Variants in STIM2 observed in about 807,000 individuals in gnomAD.
The protein encoded by STIM2 is stromal interaction molecule 2.
STIM2 carries 31 observed loss-of-function variants against 85.8 expected under a neutral mutation model. That is an observed-to-expected ratio of 0.36 (90% CI 0.27 to 0.49). STIM2 has a LOEUF of 0.49. STIM2 is among the 20% of genes least tolerant of loss of function. STIM2 has a pLI of 0.98. For synonymous variants in STIM2, 356 were observed against 331.1 expected (o/e 1.08, Z -0.82); for missense variants, 841 against 927.6 (o/e 0.91, Z 1.21).
intron 10 of STIM2, among the ~76,000 whole-genome samples, chr4:27,017,280 A>G (rs1164426084): frequency 6.6e-6 from 1 of 152,210 alleles, no homozygotes; most frequent in Non-Finnish European, 1.5e-5. Context: ...TCCTTGATTT[A>G]AAACTGATTG....
chr4:26,999,192 A>AAC (rs1553853978), intron 4 of STIM2, 40 bp from the exon 5 acceptor site: 3 of 834,476 alleles, frequency 3.6e-6, no homozygotes, highest in Non-Finnish European at 5.0e-6. Flanking sequence ...ATTTTCATTT[A>AAC]ATATATATAT....
Position 26,991,568 on chromosome 4 carries a change from T to G in STIM2, c.398-3811T>G, listed in dbSNP as rs570386938. Among the ~76,000 whole-genome samples, 4 of 152,286 alleles carry G rather than the reference T, an allele frequency of 2.6e-5. No homozygotes were observed. The East Asian group carries it at 7.7e-4, about 29-fold the overall frequency. Reference sequence around the variant, plus strand: ...TGTGTGTTTCCAAATAGCTGGAAGATAATTATAATGGTTCCAACATGGAGA... The same window carrying G: ...TGTGTGTTTCCAAATAGCTGGAAGAGAATTATAATGGTTCCAACATGGAGA... On this transcript the variant is annotated intron_variant, in intron 3 of 11. Coordinates refer to ENST00000467087, the MANE Select transcript of STIM2 (RefSeq NM_020860.4).
chr4:26,869,299 CAAAAAAAA>C (rs71186495), intron 1 of STIM2, among the ~76,000 whole-genome samples: 2 of 85,884 alleles, frequency 2.3e-5, no homozygotes, highest in Admixed American at 2.6e-4. Flanking sequence ...ACCCTGTCTC[CAAAAAAAA>C]AAAAAAAAAA....
chr4:26,873,848 C>T, intron 1 of STIM2: 10 of 1,081,658 alleles, frequency 9.2e-6, no homozygotes, highest in Middle Eastern at 2.2e-4. Flanking sequence ...TGGGTGGGTA[C>T]GTGAACCCAT....
intron 1 of STIM2, among the ~76,000 whole-genome samples, chr4:26,864,441 G>A (rs1225597543): frequency 6.6e-6 from 1 of 151,870 alleles, no homozygotes; most frequent in African/African-American, 2.4e-5. Flanking sequence ...GGGAGTGACC[G>A]ATCTCATCCA....
At chr4:26,871,800 C>G (rs925841457) in intron 1 of STIM2, among the ~76,000 whole-genome samples, 1 of 151,708 alleles carries the variant, frequency 6.6e-6, no homozygotes, top group African/African-American at 2.4e-5. Context: ...CACCTCGGCC[C>G]CGCAAAGTAA....
chr4:26,928,122 G>A (rs1446600637), intron 2 of STIM2, among the ~76,000 whole-genome samples: 3 of 151,868 alleles, frequency 2.0e-5, no homozygotes, highest in Admixed American at 1.3e-4. Context: ...AGGCCCAAGA[G>A]GCAAAAGGTG....
At chr4:26,963,165 C>T (rs771579838) in intron 3 of STIM2, among the ~76,000 whole-genome samples, 54 of 151,102 alleles carry the variant, frequency 3.6e-4, no homozygotes, top group Non-Finnish European at 2.8e-4. Context: ...TTTAGGACAG[C>T]GAAAATATAA....
intron 2 of STIM2, among the ~76,000 whole-genome samples, chr4:26,955,541 C>T (rs1227170496): frequency 6.8e-6 from 1 of 148,036 alleles, no homozygotes; most frequent in Non-Finnish European, 1.5e-5. Context: ...GTAGTCTCTA[C>T]TGAATTTTGA....
chr4:26,878,223 C>G lies in STIM2; in HGVS notation c.151+16854C>G, dbSNP rs1454022395. On this transcript the variant is annotated intron_variant, in intron 1 of 11. Transcript: ENST00000467087. ...AAGTTCTTGGTTTTCCTGGTCTACC[C>G]TCAGTCTTAGGTAGGGCTCGTAAGC... is the stretch of plus-strand genomic sequence containing the variant. Among the ~76,000 whole-genome samples the G allele has an allele frequency of 2.0e-5, 3 of 152,126 alleles. No homozygotes were observed. In the East Asian group the frequency reaches 5.8e-4, roughly 29 times the overall value.
At chr4:26,933,733 C>CAAAAA (rs771503772) in intron 2 of STIM2, among the ~76,000 whole-genome samples, 13 of 47,736 alleles carry the variant, frequency 2.7e-4, no homozygotes, top group Non-Finnish European at 3.1e-4. Context: ...GACCTGATCT[C>CAAAAA]AAAAAAAAAA....
At chr4:26,980,695 A>G (rs1163855308) in intron 3 of STIM2, among the ~76,000 whole-genome samples, 2 of 152,228 alleles carry the variant, frequency 1.3e-5, no homozygotes, top group Non-Finnish European at 2.9e-5. Flanking sequence ...AACTAATGTA[A>G]TCACTGTGTT....
chr4:26,882,839 C>CTT (rs59438121), intron 1 of STIM2, among the ~76,000 whole-genome samples: 41 of 137,402 alleles, frequency 3.0e-4, no homozygotes, highest in African/African-American at 9.3e-4. Flanking sequence ...CCTTTTCTTT[C>CTT]TTTTTTTTTT....
At chr4:26,999,203 A>C (rs1450949459) in intron 4 of STIM2, 29 bp from the exon 5 acceptor site, 2 of 1,071,632 alleles carry the variant, frequency 1.9e-6, no homozygotes, top group Non-Finnish European at 2.7e-6. Context: ...ATATATATAT[A>C]TATGTGTGTG....
At chr4:26,970,059 T>TA (rs1240169885) in intron 3 of STIM2, among the ~76,000 whole-genome samples, 7 of 150,816 alleles carry the variant, frequency 4.6e-5, no homozygotes, top group Middle Eastern at 3.4e-3. Context: ...TTTTCCAAAA[T>TA]AAAAAAAATG....
intron 2 of STIM2, among the ~76,000 whole-genome samples, chr4:26,931,589 C>G (rs1216462273): frequency 2.6e-5 from 4 of 152,126 alleles, no homozygotes; most frequent in African/African-American, 4.8e-5. Flanking sequence ...TTGAGTAGAG[C>G]TTTGCAGTGA....
chr4:26,956,371 T>G (rs1726237514), intron 2 of STIM2, among the ~76,000 whole-genome samples: 2 of 152,084 alleles, frequency 1.3e-5, no homozygotes, highest in African/African-American at 4.8e-5. Context: ...TGCTTTTTAT[T>G]GTTAGACAAT....
At chr4:26,993,596 C>T (rs1727843415) in intron 3 of STIM2, among the ~76,000 whole-genome samples, 1 of 152,062 alleles carries the variant, frequency 6.6e-6, no homozygotes, top group South Asian at 2.1e-4. Context: ...TTTTATTGCT[C>T]ACGTTTTCTT....
chr4:27,017,889 C>G lies in STIM2; in HGVS notation c.1668C>G (p.Ser556=). ...AACACACACCACACTCCTTGCCTTC[C>G]CCTGATCCAGATATCCTCTCAGTGT... Residue 556 remains serine, a synonymous_variant, in exon 11 of 12, where the codon TCC becomes TCG. Transcript: ENST00000467087. The G allele has an allele frequency of 9.3e-6, 15 of 1,614,150 alleles. No homozygotes were observed. The highest frequency in any genetic ancestry group is 1.3e-5 in the Non-Finnish European group (15 of 1,180,020).
Sources: gnomAD v4.1 joint callset for allele counts (sites outside exome capture counted in the v4.1 genomes callset) on GRCh38, gnomAD v4.1.1 for gene constraint, MANE v1.5 for transcripts, NCBI Gene and HGNC (gene_info 2026-07-23, HGNC 2026-07-21) for gene names.